MYPN: variants seen among roughly 807,000 people sequenced by gnomAD.
MYPN encodes myopalladin.
MYPN carries 63 observed loss-of-function variants against 129.4 expected under a neutral mutation model. The observed-to-expected ratio is 0.49, with a 90% CI of 0.40 to 0.60. The LOEUF is 0.60. Among genes scored for constraint, MYPN ranks in the 20% least tolerant of loss-of-function variants. The probability of loss-of-function intolerance (pLI) is 0.00; values close to 1 mark genes in which losing one functional copy is unlikely to be tolerated. For synonymous variants in MYPN, 629 were observed against 600.9 expected, an observed-to-expected ratio of 1.05 and a Z score of -0.68; for missense variants, 1,596 against 1,635.4, an observed-to-expected ratio of 0.98 and a Z score of 0.42.
rs376252728 is a variant in MYPN, at chr10:68,151,773, A to G, written c.1317+1662A>G. ...TAGACAGACAGGTGACATCAGAGGG[A>G]TATCAGGTAATATCTCCACTCAATT... On this transcript the variant is annotated intron_variant, in intron 6 of 19. Transcript: ENST00000358913. Among the ~76,000 whole-genome samples, 5 of 152,248 alleles carry G rather than the reference A, an allele frequency of 3.3e-5. No homozygotes were observed. In the East Asian group the frequency reaches 7.7e-4, roughly 24 times the overall value.
At chr10:68,129,855 C>T (rs568236190) in intron 2 of MYPN, among the ~76,000 whole-genome samples, 1 of 152,050 alleles carries the variant, frequency 6.6e-6, no homozygotes, top group Admixed American at 6.5e-5. Flanking sequence ...GAGATTGGCT[C>T]TAATAAACAT....
At chr10:68,109,223 G>A (rs780639765), upstream of MYPN, 1 of 182,078 alleles carries the variant, frequency 5.5e-6, no homozygotes, top group Non-Finnish European at 1.2e-5. Flanking sequence ...AAAATGAAGA[G>A]TTTTCATACA....
intron 7 of MYPN, among the ~76,000 whole-genome samples, chr10:68,159,723 C>T (rs936498570): frequency 6.6e-5 from 10 of 152,122 alleles, no homozygotes; most frequent in Admixed American, 6.6e-4. Flanking sequence ...AAGAAATTTG[C>T]TAAAATGTTG....
upstream of MYPN, among the ~76,000 whole-genome samples, chr10:68,107,960 A>G (rs1398687551): frequency 6.6e-6 from 1 of 152,246 alleles, no homozygotes; most frequent in Non-Finnish European, 1.5e-5. Context: ...ATTACGGCTT[A>G]AGATCTGAGT....
intron 6 of MYPN, among the ~76,000 whole-genome samples, chr10:68,154,530 T>G (rs1224666557): frequency 6.6e-6 from 1 of 152,236 alleles, no homozygotes; most frequent in African/African-American, 2.4e-5. Flanking sequence ...CTTTTCTTAC[T>G]CAATGATTGC....
chr10:68,118,522 A>G (rs2042190262), intron 1 of MYPN, among the ~76,000 whole-genome samples: 1 of 152,174 alleles, frequency 6.6e-6, no homozygotes, highest in South Asian at 2.1e-4. Flanking sequence ...AGAGTAAAAG[A>G]CAAAGTCACA....
chr10:68,100,282 A>T (rs990260439), intron 1 of MYPN, among the ~76,000 whole-genome samples: 6 of 152,184 alleles, frequency 3.9e-5, no homozygotes, highest in Non-Finnish European at 8.8e-5. Flanking sequence ...TCACTCAGGG[A>T]GCTAAATAAT....
At chr10:68,135,732 A>C (rs1047017382) in intron 2 of MYPN, among the ~76,000 whole-genome samples, 10 of 152,228 alleles carry the variant, frequency 6.6e-5, no homozygotes, top group Admixed American at 2.0e-4. Context: ...ATATGTTTTG[A>C]GCAGCTAAAA....
intron 14 of MYPN, among the ~76,000 whole-genome samples, 168 bp downstream of exon 14, chr10:68,194,680 A>G (rs1203298768): frequency 6.6e-6 from 1 of 152,234 alleles, no homozygotes; most frequent in Non-Finnish European, 1.5e-5. Flanking sequence ...TTAAAGGACT[A>G]GTTAGCCACT....
intron 1 of MYPN, among the ~76,000 whole-genome samples, chr10:68,090,976 A>G (rs994183451): frequency 4.6e-5 from 7 of 152,316 alleles, no homozygotes; most frequent in Admixed American, 3.3e-4. Flanking sequence ...AAGTACTCGC[A>G]TTAACCAAAT....
intron 2 of MYPN, chr10:68,136,682 A>G (rs1240240395): frequency 2.6e-6 from 4 of 1,535,250 alleles, no homozygotes; most frequent in Admixed American, 2.0e-5. Flanking sequence ...CATTCCACTT[A>G]TCTCCTTCTG....
intron 1 of MYPN, among the ~76,000 whole-genome samples, chr10:68,096,251 A>C (rs2133939803): frequency 6.6e-6 from 1 of 152,344 alleles, no homozygotes. Context: ...TGTAACTCTT[A>C]AGTCAATTGT....
chr10:68,120,322 T>G (rs1423186258), intron 1 of MYPN, among the ~76,000 whole-genome samples: 1 of 149,840 alleles, frequency 6.7e-6, no homozygotes, highest in African/African-American at 2.4e-5. Flanking sequence ...ATTATATTAC[T>G]TTCTTAAGAC....
chr10:68,206,647 A>G, intron 18 of MYPN, 123 bp from the exon 19 acceptor site: 2 of 1,323,536 alleles, frequency 1.5e-6, no homozygotes, highest in Admixed American at 1.7e-5. Context: ...GACGTCTTCC[A>G]CCTTCAAATT....
intron 14 of MYPN, among the ~76,000 whole-genome samples, chr10:68,195,128 A>T (rs896312227): frequency 6.6e-6 from 1 of 152,218 alleles, no homozygotes; most frequent in African/African-American, 2.4e-5. Context: ...CTGTTGAGGA[A>T]TGTATGAAAA....
chr10:68,092,914 C>G (rs187419021), intron 1 of MYPN, among the ~76,000 whole-genome samples: 54 of 152,274 alleles, frequency 3.5e-4, no homozygotes, highest in African/African-American at 1.3e-3. Context: ...AGCTGGGGCT[C>G]GAACCTGCTT....
At chr10:68,206,410 G>A (rs111749651) in intron 18 of MYPN, among the ~76,000 whole-genome samples, 1 of 152,090 alleles carries the variant, frequency 6.6e-6, no homozygotes, top group African/African-American at 2.4e-5. Flanking sequence ...GCTCTATTTT[G>A]TCTTGCTTTC....
intron 8 of MYPN, chr10:68,165,430 C>G: frequency 8.0e-6 from 4 of 499,624 alleles, no homozygotes; most frequent in South Asian, 6.2e-5. Flanking sequence ...CCAGCCTGGG[C>G]AACAGAGCGA....
intron 13 of MYPN, among the ~76,000 whole-genome samples, chr10:68,189,863 C>T (rs1052595580): frequency 1.3e-5 from 2 of 152,040 alleles, no homozygotes; most frequent in Non-Finnish European, 2.9e-5. Context: ...TACTGATTTC[C>T]TTTCTTTTGG....
Sources: allele counts gnomAD v4.1 joint callset (sites outside exome capture counted in the v4.1 genomes callset), GRCh38; gene constraint gnomAD v4.1.1; transcripts MANE v1.5; gene names NCBI Gene and HGNC (gene_info 2026-07-23, HGNC 2026-07-21).